The following ANGPT2 variants were observed in gnomAD, a reference collection of about 807,000 sequenced individuals.
The protein encoded by ANGPT2 is angiopoietin-2.
In ANGPT2, 28 loss-of-function variants were observed where a neutral mutation model predicts 62.9. That is an observed-to-expected ratio of 0.44 (90% confidence interval 0.33 to 0.61). The LOEUF (loss-of-function observed/expected upper bound fraction) is 0.61, where lower values mean the gene tolerates loss of function less well. Among genes scored for constraint, ANGPT2 ranks in the 20% least tolerant of loss-of-function variants. The probability of loss-of-function intolerance (pLI) is 0.03; values close to 1 mark genes in which losing one functional copy is unlikely to be tolerated. For synonymous variants in ANGPT2, 284 were observed against 207.8 expected, an observed-to-expected ratio of 1.37 and a Z score of -3.15; for missense variants, 727 against 594.9, an observed-to-expected ratio of 1.22 and a Z score of -2.31.
intron 8 of ANGPT2, chr8:6,508,566 G>T (rs1814266892): frequency 2.4e-6 from 1 of 408,406 alleles, no homozygotes. Context: ...TATTACTGTT[G>T]TGGTTGCTAC....
intron 1 of ANGPT2, among the ~76,000 whole-genome samples, chr8:6,549,554 A>G (rs1414980927): frequency 6.6e-6 from 1 of 151,730 alleles, no homozygotes; most frequent in East Asian, 1.9e-4. Flanking sequence ...ATGGATGAGG[A>G]GGGGCGTGAG....
In ANGPT2 at chr8:6,519,976, A is replaced by G; in HGVS notation, c.815T>C (p.Val272Ala). 1.9e-6 allele frequency: 3 copies of G among 1,614,100 alleles called. No homozygotes were observed. The highest frequency in any genetic ancestry group is 2.5e-6 in the Non-Finnish European group (3 of 1,179,960). ...GAAGCTGATTTGTTCTTCTTTAGCA[A>G]CAGTGGGGTCCTTAGCTGCTTTTAA... ...MSTSNSKDPT[V>A]AKEEQISFRD... The change falls in exon 5 of 9, where the codon GTT (valine) becomes GCT (alanine). Residue 272 changes from valine (V) to alanine (A), a missense_variant. Transcript: ENST00000629816.
At chr8:6,552,440 GA>G (rs1457769799) in intron 1 of ANGPT2, among the ~76,000 whole-genome samples, 1 of 152,176 alleles carries the variant, frequency 6.6e-6, no homozygotes, top group African/African-American at 2.4e-5. Context: ...TGTCGAAAAG[GA>G]ATTCATTATC....
At chr8:6,529,011 C>G (rs1456313415) in intron 2 of ANGPT2, among the ~76,000 whole-genome samples, 1 of 152,178 alleles carries the variant, frequency 6.6e-6, no homozygotes, top group African/African-American at 2.4e-5. Flanking sequence ...TTGGTTATTT[C>G]TAAAAGGAAC....
chr8:6,543,884 C>G (rs1822060628), intron 1 of ANGPT2, among the ~76,000 whole-genome samples: 1 of 152,274 alleles, frequency 6.6e-6, no homozygotes, highest in South Asian at 2.1e-4. Flanking sequence ...TTTGCAGAAG[C>G]TGAAAGGGCG....
intron 1 of ANGPT2, among the ~76,000 whole-genome samples, chr8:6,533,958 G>C (rs1820015026): frequency 6.6e-6 from 1 of 152,134 alleles, no homozygotes; most frequent in Admixed American, 6.6e-5. Flanking sequence ...GTATCAGATG[G>C]TTTTAGGATT....
chr8:6,525,731 C>CT (rs1465026091), intron 3 of ANGPT2, among the ~76,000 whole-genome samples: 5 of 152,102 alleles, frequency 3.3e-5, no homozygotes, highest in Admixed American at 6.5e-5. Flanking sequence ...ACACTATTTT[C>CT]TTTTTTTATT....
chr8:6,547,344 C>T (rs890479796), intron 1 of ANGPT2, among the ~76,000 whole-genome samples: 2 of 151,884 alleles, frequency 1.3e-5, no homozygotes, highest in Non-Finnish European at 2.9e-5. Context: ...TCTGGAGGTC[C>T]GCCCCCTCTC....
intron 1 of ANGPT2, among the ~76,000 whole-genome samples, chr8:6,555,463 C>T (rs1307657233): frequency 3.6e-5 from 5 of 140,634 alleles, no homozygotes; most frequent in Non-Finnish European, 5.9e-5. Flanking sequence ...GGGTGGTTTG[C>T]CCTTTTTTTT....
Position 6,562,710 on chromosome 8 carries a change from G to C in ANGPT2, c.225C>G (p.Asp75Glu), listed in dbSNP as rs368354854. The change falls in exon 1 of 9, where the codon GAC (aspartate) becomes GAG (glutamate). Residue 75 changes from aspartate to glutamate, a missense_variant. By Grantham distance (45) the Asp-to-Glu change is conservative. Transcript: ENST00000629816. ...CCAGCACTTGCAGCCTCTGCACCGA[G>C]TCATCGTATTCGAGCGGCGCGTCCC... is the stretch of plus-strand genomic sequence containing the variant. ...VQRDAPLEYD[D>E]SVQRLQVLEN... 1.2e-6 allele frequency: 2 copies of C among 1,613,148 alleles called. No individual in the cohort carries two copies. Among genetic ancestry groups the C allele is most frequent in the African/African-American group, 2.7e-5 (2 of 74,788 alleles).
intron 1 of ANGPT2, 133 bp from the exon 2 acceptor site, chr8:6,532,620 C>T (rs1326545008): frequency 3.3e-6 from 2 of 602,640 alleles, no homozygotes; most frequent in South Asian, 4.2e-5. Context: ...ACCTTGCCTT[C>T]CTTTTGGAAT....
intron 5 of ANGPT2, among the ~76,000 whole-genome samples, chr8:6,516,371 C>T (rs1017818731): frequency 1.3e-5 from 2 of 152,070 alleles, no homozygotes; most frequent in Non-Finnish European, 1.5e-5. Context: ...TAGCAAAGTT[C>T]GATTTTGATC....
At chr8:6,532,809 TG>T (rs1327392090) in intron 1 of ANGPT2, among the ~76,000 whole-genome samples, 1 of 152,230 alleles carries the variant, frequency 6.6e-6, no homozygotes, top group African/African-American at 2.4e-5. Context: ...CAGGGACTGC[TG>T]GGTGCGGCCA....
At chr8:6,522,832 C>T (rs1002040109) in intron 3 of ANGPT2, among the ~76,000 whole-genome samples, 1 of 151,914 alleles carries the variant, frequency 6.6e-6, no homozygotes, top group East Asian at 1.9e-4. Context: ...CCTAAAGTCA[C>T]ACACAGCAGG....
chr8:6,535,160 TA>T (rs1285617814), intron 1 of ANGPT2, among the ~76,000 whole-genome samples: 1 of 152,188 alleles, frequency 6.6e-6, no homozygotes, highest in African/African-American at 2.4e-5. Flanking sequence ...AAGAGCTAAA[TA>T]AAAATTATTG....
At chr8:6,517,283 C>T (rs2129568401) in intron 5 of ANGPT2, among the ~76,000 whole-genome samples, 1 of 152,282 alleles carries the variant, frequency 6.6e-6, no homozygotes, top group South Asian at 2.1e-4. Context: ...TTCTATAAAG[C>T]TTGATGTTTT....
Position 6,519,957 on chromosome 8 carries a change from G to C in ANGPT2, c.834C>G (p.Ile278Met). Residue 278 changes from isoleucine to methionine, a missense_variant, in exon 5 of 9, where the codon ATC becomes ATG. By Grantham distance (10) the Ile-to-Met change is conservative. Coordinates refer to ENST00000629816, the MANE Select transcript of ANGPT2 (RefSeq NM_001118887.2). The stretch of plus-strand genomic sequence containing the variant: ...ATACTTCAGCACAGTCTCTGAAGCT[G>C]ATTTGTTCTTCTTTAGCAACAGTGG... ...KDPTVAKEEQ[I>M]SFRDCAEVFK... The C allele has an allele frequency of 1.2e-6, 2 of 1,614,106 alleles. No individual in the cohort carries two copies. The highest frequency in any genetic ancestry group is 1.7e-6 in the Non-Finnish European group (2 of 1,179,976).
At chr8:6,537,540 T>A (rs1157660979) in intron 1 of ANGPT2, among the ~76,000 whole-genome samples, 1 of 120,926 alleles carries the variant, frequency 8.3e-6, no homozygotes, top group Non-Finnish European at 1.9e-5. Flanking sequence ...AATATTTTAA[T>A]GCAACATATA....
intron 7 of ANGPT2, 69 bp from the exon 8 acceptor site, chr8:6,509,131 G>A (rs1201390071): frequency 1.5e-5 from 24 of 1,561,774 alleles, no homozygotes; most frequent in Non-Finnish European, 2.1e-5. Flanking sequence ...CAAATTTTTT[G>A]TGATGAAGAA....
Sources: allele counts gnomAD v4.1 joint callset (sites outside exome capture counted in the v4.1 genomes callset), GRCh38; gene constraint gnomAD v4.1.1; transcripts MANE v1.5; gene names NCBI Gene and HGNC (gene_info 2026-07-23, HGNC 2026-07-21).